RASA1: variants seen among roughly 807,000 people sequenced by gnomAD.
The protein encoded by RASA1 is RAS p21 protein activator 1, also known as ras GTPase-activating protein 1.
A neutral mutation model predicts 132.2 loss-of-function variants in RASA1; 25 were observed. The observed-to-expected ratio is 0.19, with a 90% CI of 0.14 to 0.26. The LOEUF (loss-of-function observed/expected upper bound fraction) is 0.26, where lower values mean the gene tolerates loss of function less well. Among genes scored for constraint, RASA1 ranks in the 10% least tolerant of loss-of-function variants. The pLI is 1.00. For missense variants in RASA1, 964 were observed against 1,299.2 expected (o/e 0.74, Z 3.97); for synonymous variants, 477 against 449.9 (o/e 1.06, Z -0.76).
At chr5:87,279,290 C>T (rs1405537663) in intron 1 of RASA1, among the ~76,000 whole-genome samples, 1 of 152,118 alleles carries the variant, frequency 6.6e-6, no homozygotes, top group Non-Finnish European at 1.5e-5. Context: ...GCATTTGTCA[C>T]TCAGCATAAT....
chr5:87,285,618 CTTTTTTT>C (rs548410947), intron 1 of RASA1, among the ~76,000 whole-genome samples: 1 of 126,074 alleles, frequency 7.9e-6, no homozygotes, highest in South Asian at 2.5e-4. Context: ...TTTTCTTTTT[CTTTTTTT>C]TTTTTTTTTT....
chr5:87,295,136 C>T (rs932646274), intron 1 of RASA1, among the ~76,000 whole-genome samples: 2 of 152,050 alleles, frequency 1.3e-5, no homozygotes, highest in African/African-American at 2.4e-5. Flanking sequence ...AAGTTGGCTC[C>T]GTCTGAAATT....
At chr5:87,365,432 T>TTC (rs936209953) in intron 11 of RASA1, among the ~76,000 whole-genome samples, 2 of 152,136 alleles carry the variant, frequency 1.3e-5, no homozygotes, top group Admixed American at 1.3e-4. Flanking sequence ...GAATATTACT[T>TTC]TATTCACAGC....
At chr5:87,271,062 A>T (rs1252605680) in intron 1 of RASA1, among the ~76,000 whole-genome samples, 3 of 152,098 alleles carry the variant, frequency 2.0e-5, no homozygotes, top group Non-Finnish European at 4.4e-5. Context: ...GAGATGGAGA[A>T]ACCCCGTCTC....
chr5:87,374,251 G>A lies in RASA1; in HGVS notation c.1865G>A (p.Ser622Asn). 6.2e-7 allele frequency: 1 copy of A among 1,600,186 alleles called. No homozygotes were observed. The highest frequency in any genetic ancestry group is 8.5e-7 in the Non-Finnish European group (1 of 1,172,138). The change falls in exon 14 of 25, where the codon AGT becomes AAT. Residue 622 changes from serine (S) to asparagine (N), a missense_variant. Physicochemically the swap from Ser to Asn is conservative, Grantham distance 46 (BLOSUM62 1). This residue lies in a region of RASA1 where 346 missense variants were observed against 520.1 expected (regional missense o/e 0.67). Transcript: ENST00000274376. ...CCATATTGTAACATCTACCTGAATAGTGTCCAAGTAGCAAAAACTCATGCA... is the reference window on the plus strand; with the variant it reads ...CCATATTGTAACATCTACCTGAATAATGTCCAAGTAGCAAAAACTCATGCA... ...TNPYCNIYLNSVQVAKTHARE... is the reference protein window; with the variant it reads ...TNPYCNIYLNNVQVAKTHARE...
chr5:87,331,452 C>T lies in RASA1; in HGVS notation c.644C>T (p.Ser215Phe), dbSNP rs1399533599. ...LIRESDRRPG[S>F]FVLSFLSQMN... ...AGAGAGAGTGATCGGAGGCCAGGGT[C>T]CTTTGTACTTTCATTTCTTAGCCAG... Residue 215 changes from serine to phenylalanine, a missense_variant, in exon 2 of 25, where the codon TCC becomes TTC. By Grantham distance (155) the Ser-to-Phe change is radical. Around this residue, in one of 6 missense-constraint regions of RASA1, gnomAD observed 154 missense variants for 286.5 expected, o/e 0.54. Transcript: ENST00000274376. The T allele has an allele frequency of 6.8e-6, 11 of 1,613,828 alleles. No homozygotes were observed. Among genetic ancestry groups the T allele is most frequent in the African/African-American group, 1.3e-5 (1 of 75,022 alleles).
At chr5:87,336,722 C>A (rs1758001030) in intron 4 of RASA1, among the ~76,000 whole-genome samples, 1 of 152,048 alleles carries the variant, frequency 6.6e-6, no homozygotes, top group African/African-American at 2.4e-5. Flanking sequence ...AGTTCATGTG[C>A]ACCCTCCTTT....
chr5:87,386,912 A>C lies in RASA1; in HGVS notation c.2925+9A>C. 6.2e-7 allele frequency: 1 copy of C among 1,606,318 alleles called. No homozygotes were observed. The highest frequency in any genetic ancestry group is 8.5e-7 in the Non-Finnish European group (1 of 1,174,272). On this transcript the variant is annotated intron_variant, in intron 23 of 24. Coordinates refer to ENST00000274376, the MANE Select transcript of RASA1 (RefSeq NM_002890.3). The stretch of plus-strand genomic sequence containing the variant: ...TTTTAGATGAACTTGGGGTATGTAT[A>C]TAGTTTTCAGGTACTTTTTTTAAGA...
At chr5:87,334,606 C>A (rs1221910101) in intron 4 of RASA1, among the ~76,000 whole-genome samples, 3 of 152,140 alleles carry the variant, frequency 2.0e-5, no homozygotes, top group Admixed American at 6.5e-5. Context: ...AATGATGGTA[C>A]AAAAGCAATG....
chr5:87,349,218 T>A lies in RASA1; in HGVS notation c.1107T>A (p.Gly369=). The change falls in exon 8 of 25, where the codon GGT becomes GGA. Residue 369 remains glycine, a synonymous_variant. Transcript: ENST00000274376. ...QEAYNLLMTV[G]QVCSFLVRPS... ...CTAACAGCTTAATTCTTACAGTTGG[T>A]CAAGTCTGCAGTTTTCTTGTGAGGC... 2 of 1,611,720 alleles carry A rather than the reference T, an allele frequency of 1.2e-6. No homozygotes were observed. The highest frequency in any genetic ancestry group is 1.7e-6 in the Non-Finnish European group (2 of 1,178,410).
chr5:87,379,444 C>A (rs1761552601), intron 18 of RASA1, among the ~76,000 whole-genome samples: 1 of 152,086 alleles, frequency 6.6e-6, no homozygotes, highest in Non-Finnish European at 1.5e-5. Flanking sequence ...TTAAATAAGC[C>A]TCATTCAGAA....
In RASA1 at chr5:87,379,912, T is replaced by G. The variant is rs541547586; in HGVS notation, c.2603+62T>G. Reference sequence around the variant, plus strand: ...TATCTATGTCTTCAGAAATTTCTATTTCTAAAACGTGAAAGCTTTTCTGTT... The same window carrying G: ...TATCTATGTCTTCAGAAATTTCTATGTCTAAAACGTGAAAGCTTTTCTGTT... On this transcript the variant is annotated intron_variant, in intron 19 of 24. Coordinates refer to ENST00000274376, the MANE Select transcript of RASA1 (RefSeq NM_002890.3). 635 of 1,518,076 alleles carry G rather than the reference T, an allele frequency of 4.2e-4. 1 individual carries two copies. In the Middle Eastern group the frequency reaches 7.5e-3, roughly 18 times the overall value. The allele number at this position is 1,518,076 out of a possible 1,614,324, so 94.0% of individuals were successfully genotyped here. A position where few individuals can be genotyped will look rare whatever the true frequency, so the allele number is the denominator to read the frequency against.
chr5:87,285,438 G>C (rs1754508423), intron 1 of RASA1, among the ~76,000 whole-genome samples: 1 of 151,960 alleles, frequency 6.6e-6, no homozygotes, highest in South Asian at 2.1e-4. Flanking sequence ...CCTTGAGAGA[G>C]TACAGTGGAA....
intron 1 of RASA1, among the ~76,000 whole-genome samples, chr5:87,269,901 CA>C (rs1753743455): frequency 6.6e-6 from 1 of 152,022 alleles, no homozygotes; most frequent in Admixed American, 6.5e-5. Flanking sequence ...TGTTATTAGG[CA>C]AAACTTGTTA....
chr5:87,269,638 C>T (rs986753327), intron 1 of RASA1, among the ~76,000 whole-genome samples: 6 of 152,174 alleles, frequency 3.9e-5, no homozygotes, highest in African/African-American at 1.4e-4. Context: ...TTAATATTAA[C>T]GCACTGCTTT....
chr5:87,390,763 C>T, intron 24 of RASA1, 37 bp from the exon 25 acceptor site: 1 of 1,553,182 alleles, frequency 6.4e-7, no homozygotes, highest in South Asian at 1.1e-5. Flanking sequence ...GCTGACCGAG[C>T]TTTCATTTAT....
intron 14 of RASA1, 23 bp downstream of exon 14, chr5:87,374,343 A>C (rs760764502): frequency 1.3e-6 from 2 of 1,587,078 alleles, no homozygotes; most frequent in South Asian, 2.2e-5. Flanking sequence ...TTATCATTAC[A>C]TTAATCATTT....
chr5:87,348,973 GCTCT>G (rs1422035502), intron 7 of RASA1, among the ~76,000 whole-genome samples: 2 of 151,776 alleles, frequency 1.3e-5, no homozygotes, highest in South Asian at 2.1e-4. Context: ...CAAAATTTCT[GCTCT>G]CTATTTTTAT....
chr5:87,328,641 G>T (rs1266781828), intron 1 of RASA1, among the ~76,000 whole-genome samples: 2 of 152,054 alleles, frequency 1.3e-5, no homozygotes, highest in Non-Finnish European at 2.9e-5. Context: ...GAAAGTTAAG[G>T]TAGACAGCAT....
Sources: gnomAD v4.1 joint callset for allele counts (sites outside exome capture counted in the v4.1 genomes callset) on GRCh38, gnomAD v4.1.1 for gene constraint, gnomAD v4.1.1 regional missense constraint, MANE v1.5 for transcripts, NCBI Gene and HGNC (gene_info 2026-07-23, HGNC 2026-07-21) for gene names.